The following CCSER1 variants were observed in gnomAD, a reference collection of about 807,000 sequenced individuals.
CCSER1 encodes the protein serine-rich coiled-coil domain-containing protein 1.
In CCSER1, 41 loss-of-function variants were observed where a neutral mutation model predicts 82.0. The observed-to-expected ratio is 0.50, with a 90% CI of 0.39 to 0.65. The LOEUF (loss-of-function observed/expected upper bound fraction) is 0.65, where lower values mean the gene tolerates loss of function less well. CCSER1 is among the 30% of genes least tolerant of loss of function. The probability of loss-of-function intolerance (pLI) is 0.00; values close to 1 mark genes in which losing one functional copy is unlikely to be tolerated. For synonymous variants in CCSER1, 414 were observed against 383.9 expected (o/e 1.08, Z -0.92); for missense variants, 1,119 against 1,064.2 (o/e 1.05, Z -0.72).
chr4:90,898,272 T>TTTTTTTTTTTG (rs1724043035), intron 8 of CCSER1, among the ~76,000 whole-genome samples: 1 of 88,930 alleles, frequency 1.1e-5, no homozygotes. Context: ...AATCCATCTT[T>TTTTTTTTTTTG]TTTTTTTTTT....
At chr4:90,957,353 G>A (rs1438819666) in intron 9 of CCSER1, among the ~76,000 whole-genome samples, 1 of 147,436 alleles carries the variant, frequency 6.8e-6, no homozygotes, top group Non-Finnish European at 1.5e-5. Context: ...GCCTGCCTTG[G>A]CCTCCCAAAA....
intron 1 of CCSER1, among the ~76,000 whole-genome samples, chr4:90,209,155 A>G (rs1430371854): frequency 2.0e-5 from 3 of 152,118 alleles, no homozygotes; most frequent in Non-Finnish European, 2.9e-5. Context: ...TCTATTCCTT[A>G]TTGCCTCCCT....
chr4:90,226,339 C>T (rs1245846713), intron 1 of CCSER1, among the ~76,000 whole-genome samples: 1 of 152,232 alleles, frequency 6.6e-6, no homozygotes, highest in Non-Finnish European at 1.5e-5. Context: ...GTGACTTACA[C>T]ATTTACTTCA....
chr4:91,295,207 A>G (rs1744062062), intron 10 of CCSER1, among the ~76,000 whole-genome samples: 1 of 152,030 alleles, frequency 6.6e-6, no homozygotes. Context: ...CTTTTTGGTT[A>G]GAGATTTTTC....
chr4:91,350,312 T>A lies in CCSER1; in HGVS notation c.2218-248260T>A, dbSNP rs527355428. Among the ~76,000 whole-genome samples, 12 of 152,300 alleles carry A rather than the reference T, an allele frequency of 7.9e-5. No homozygotes were observed. In the South Asian group the frequency reaches 2.5e-3, roughly 32 times the overall value. ...TATTCTCTGAAACTTTAAGGAAAAA[T>A]TAATTATATAAAGCATATACTTATA... On this transcript the variant is annotated intron_variant, in intron 10 of 10. Transcript: ENST00000509176.
chr4:91,127,066 C>T (rs1727584720), intron 10 of CCSER1, among the ~76,000 whole-genome samples: 1 of 151,960 alleles, frequency 6.6e-6, no homozygotes, highest in Admixed American at 6.6e-5. Flanking sequence ...CTGTTTCTAT[C>T]ATCATCCCTG....
At chr4:91,168,243 T>C in intron 10 of CCSER1, among the ~76,000 whole-genome samples, 1 of 143,102 alleles carries the variant, frequency 7.0e-6, no homozygotes, top group East Asian at 2.3e-4. Context: ...GGAGTGCCTC[T>C]GCCCGGCTGC....
At chr4:90,493,399 A>G (rs1407504341) in intron 5 of CCSER1, among the ~76,000 whole-genome samples, 1 of 152,198 alleles carries the variant, frequency 6.6e-6, no homozygotes, top group Non-Finnish European at 1.5e-5. Flanking sequence ...ATTCAAGTTC[A>G]GGAAATACAG....
chr4:90,402,629 A>G (rs1753038985), intron 4 of CCSER1, among the ~76,000 whole-genome samples: 1 of 152,222 alleles, frequency 6.6e-6, no homozygotes, highest in South Asian at 2.1e-4. Context: ...ATTGTAAAAA[A>G]TAAAACAAAG....
At chr4:90,307,850 A>T (rs541843350) in intron 1 of CCSER1, among the ~76,000 whole-genome samples, 1 of 152,270 alleles carries the variant, frequency 6.6e-6, no homozygotes, top group Admixed American at 6.6e-5. Flanking sequence ...CCCAGACAGA[A>T]ATTTTTATGT....
intron 5 of CCSER1, among the ~76,000 whole-genome samples, chr4:90,615,815 G>A (rs984329771): frequency 2.6e-5 from 4 of 152,156 alleles, no homozygotes; most frequent in Admixed American, 1.3e-4. Flanking sequence ...GGATTGATAC[G>A]AAGTTTGAAA....
chr4:90,703,926 C>T (rs561744044), intron 6 of CCSER1, among the ~76,000 whole-genome samples: 1 of 152,232 alleles, frequency 6.6e-6, no homozygotes, highest in African/African-American at 2.4e-5. Flanking sequence ...ACTCTTTATC[C>T]AATTTGCCAT....
intron 10 of CCSER1, among the ~76,000 whole-genome samples, chr4:91,105,235 G>A (rs766506706): frequency 2.8e-4 from 42 of 151,554 alleles, no homozygotes; most frequent in African/African-American, 6.1e-4. Context: ...GGGCTTTACC[G>A]TATAAATTAG....
chr4:91,410,549 A>G (rs1222976274), intron 10 of CCSER1, among the ~76,000 whole-genome samples: 1 of 152,184 alleles, frequency 6.6e-6, no homozygotes, highest in Non-Finnish European at 1.5e-5. Context: ...ATTTTTACAA[A>G]AGAATTTTCT....
intron 5 of CCSER1, among the ~76,000 whole-genome samples, chr4:90,563,461 T>A (rs1361766028): frequency 6.6e-6 from 1 of 152,058 alleles, no homozygotes; most frequent in Non-Finnish European, 1.5e-5. Flanking sequence ...CTCCAACCAC[T>A]CCTGCCCTTG....
At chr4:90,572,020 A>G (rs970799565) in intron 5 of CCSER1, among the ~76,000 whole-genome samples, 8 of 152,108 alleles carry the variant, frequency 5.3e-5, no homozygotes, top group Admixed American at 2.6e-4. Context: ...ATTTTCTTTC[A>G]TCTTGAATAA....
chr4:90,216,281 C>T (rs953701211), intron 1 of CCSER1, among the ~76,000 whole-genome samples: 6 of 152,168 alleles, frequency 3.9e-5, no homozygotes, highest in East Asian at 1.9e-4. Context: ...ATTTGAAAAG[C>T]GCTTCACTAG....
At chr4:90,978,867 C>G (rs1190566041) in intron 9 of CCSER1, among the ~76,000 whole-genome samples, 1 of 151,686 alleles carries the variant, frequency 6.6e-6, no homozygotes, top group Non-Finnish European at 1.5e-5. Flanking sequence ...TCAAAAACAG[C>G]CCTTTGAATA....
Position 91,511,969 on chromosome 4 carries a change from G to A in CCSER1, c.2218-86603G>A, listed in dbSNP as rs536834028. ...GAAACCAGTACCTGGTGTGAAAAAG[G>A]TTGGGGATTACTGATCTATAATTAC... is the stretch of plus-strand genomic sequence containing the variant. On this transcript the variant is annotated intron_variant, in intron 10 of 10. Transcript: ENST00000509176. Among the ~76,000 whole-genome samples the A allele has an allele frequency of 4.6e-5, 7 of 152,316 alleles. No individual in the cohort carries two copies. The South Asian group carries it at 1.4e-3, about 32-fold the overall frequency.
Sources: allele counts gnomAD v4.1 joint callset (sites outside exome capture counted in the v4.1 genomes callset), GRCh38; gene constraint gnomAD v4.1.1; transcripts MANE v1.5; gene names NCBI Gene and HGNC (gene_info 2026-07-23, HGNC 2026-07-21).